Variants in SPOCK1 observed in about 807,000 individuals in gnomAD.
SPOCK1 encodes SPARC (osteonectin), cwcv and kazal like domains proteoglycan 1.
Under a neutral mutation model 55.3 loss-of-function variants are expected in SPOCK1, and 23 were observed. The ratio of observed to expected loss-of-function variants is 0.42; its 90% CI spans 0.30 to 0.59. The LOEUF (loss-of-function observed/expected upper bound fraction) is 0.59. Ranked by LOEUF, SPOCK1 falls within the 20% of genes least tolerant of loss-of-function variation. The pLI is 0.22. For synonymous variants in SPOCK1, 226 were observed against 221.0 expected (o/e 1.02, Z -0.20); for missense variants, 499 against 552.5 (o/e 0.90, Z 0.97).
At chr5:137,093,817 AT>A (rs1196089646) in intron 5 of SPOCK1, among the ~76,000 whole-genome samples, 1 of 152,208 alleles carries the variant, frequency 6.6e-6, no homozygotes, top group Non-Finnish European at 1.5e-5. Context: ...CAGAGTCATG[AT>A]GAGAAAAACA....
chr5:137,175,576 T>C (rs1323181302), intron 3 of SPOCK1, among the ~76,000 whole-genome samples: 2 of 152,236 alleles, frequency 1.3e-5, no homozygotes, highest in Non-Finnish European at 2.9e-5. Flanking sequence ...GCTCAGGCTT[T>C]GGGTTCTAAT....
chr5:136,988,579 G>A lies in SPOCK1; in HGVS notation c.771C>T (p.Asp257=). Residue 257 remains aspartate (D), a synonymous_variant, in exon 8 of 11, where the codon GAC becomes GAT. Transcript: ENST00000394945. ...GGTCAAGCAGGAGGTCATAGTTCAT[G>A]TCCAACTTGTTGAACATCCAGCCCA... ...DSLGWMFNKL[D]MNYDLLLDPS... is the part of the protein sequence containing the mutation. 2 of 1,614,110 alleles carry A rather than the reference G, an allele frequency of 1.2e-6. No individual in the cohort carries two copies. The highest frequency in any genetic ancestry group is 1.7e-6 in the Non-Finnish European group (2 of 1,179,972).
At chr5:137,180,604 T>G (rs1212905344) in intron 3 of SPOCK1, among the ~76,000 whole-genome samples, 1 of 152,190 alleles carries the variant, frequency 6.6e-6, no homozygotes, top group Non-Finnish European at 1.5e-5. Flanking sequence ...GGGGGTCGTT[T>G]GATTCCTTGG....
rs368458010 is a variant in SPOCK1 at position 137,384,563 on chromosome 5, CAT to C, written c.186+113808_186+113809del. Among the ~76,000 whole-genome samples the C allele has an allele frequency of 2.7e-3, 365 of 133,312 alleles. 2 individuals carry two copies. Among genetic ancestry groups the C allele is most frequent in the African/African-American group, 4.9e-3 (141 of 28,726 alleles). 87.5% of individuals were successfully genotyped at this position (133,312 alleles called of 152,430 possible). Reference sequence around the variant, plus strand: ...ATATATACACACATATACATACATACATATATATATATATATGTATGTATTTT... The same window carrying C: ...ATATATACACACATATACATACATACATATATATATATATGTATGTATTTT... On this transcript the variant is annotated intron_variant, in intron 2 of 10. Coordinates refer to ENST00000394945, the MANE Select transcript of SPOCK1 (RefSeq NM_004598.4).
At chr5:137,432,716 C>T (rs891433658) in intron 2 of SPOCK1, among the ~76,000 whole-genome samples, 5 of 152,142 alleles carry the variant, frequency 3.3e-5, no homozygotes, top group African/African-American at 1.2e-4. Flanking sequence ...CACAGAAGTT[C>T]ACAGATTAAA....
At chr5:137,097,839 C>T (rs956960452) in intron 5 of SPOCK1, among the ~76,000 whole-genome samples, 3 of 152,200 alleles carry the variant, frequency 2.0e-5, no homozygotes, top group African/African-American at 4.8e-5. Context: ...AGCCAGGCCC[C>T]AGCCAGTGCC....
chr5:137,307,013 G>A lies in SPOCK1; in HGVS notation c.187-39958C>T, dbSNP rs192377172. Among the ~76,000 whole-genome samples the A allele has an allele frequency of 2.6e-5, 4 of 152,306 alleles. No homozygotes were observed. The East Asian group carries it at 5.8e-4, about 22-fold the overall frequency. On this transcript the variant is annotated intron_variant, in intron 2 of 10. Transcript: ENST00000394945. Reference sequence around the variant, plus strand: ...AACCCTCCGGTAGGCCCATCCTGATGTCAGACTCCACCCTTACCCAACTCT... The same window carrying A: ...AACCCTCCGGTAGGCCCATCCTGATATCAGACTCCACCCTTACCCAACTCT...
chr5:137,149,129 C>T (rs1478190557), intron 3 of SPOCK1, among the ~76,000 whole-genome samples: 9 of 152,290 alleles, frequency 5.9e-5, no homozygotes, highest in Admixed American at 4.6e-4. Flanking sequence ...ACTTAACTCC[C>T]TCTGACTTAA....
intron 9 of SPOCK1, 69 bp from the exon 10 acceptor site, chr5:136,979,538 CACAGGGAA>C (rs1232440017): frequency 6.4e-6 from 10 of 1,564,462 alleles, no homozygotes; most frequent in Non-Finnish European, 8.7e-6. Context: ...TGCCCGTCAA[CACAGGGAA>C]GAGGGCTCAC....
At chr5:137,145,858 G>A (rs150317517) in intron 3 of SPOCK1, among the ~76,000 whole-genome samples, 1 of 152,268 alleles carries the variant, frequency 6.6e-6, no homozygotes, top group Non-Finnish European at 1.5e-5. Flanking sequence ...TCTTTCCAGG[G>A]GTAAGAAAGT....
intron 2 of SPOCK1, among the ~76,000 whole-genome samples, chr5:137,461,592 T>C (rs1321852812): frequency 6.6e-6 from 1 of 151,618 alleles, no homozygotes; most frequent in African/African-American, 2.4e-5. Flanking sequence ...GAAATAAGAG[T>C]CTCCTGGAAA....
intron 3 of SPOCK1, among the ~76,000 whole-genome samples, chr5:137,183,138 C>A (rs1455733573): frequency 6.6e-6 from 1 of 152,110 alleles, no homozygotes; most frequent in Admixed American, 6.5e-5. Context: ...TTCCAAGCAT[C>A]CATCAATCTC....
intron 5 of SPOCK1, among the ~76,000 whole-genome samples, chr5:137,084,005 G>A (rs1041455883): frequency 6.6e-6 from 1 of 151,984 alleles, no homozygotes; most frequent in Non-Finnish European, 1.5e-5. Flanking sequence ...TTGAGACTTA[G>A]TTTTTACATC....
chr5:137,301,151 G>A (rs1757581121), intron 2 of SPOCK1, among the ~76,000 whole-genome samples: 1 of 152,122 alleles, frequency 6.6e-6, no homozygotes, highest in African/African-American at 2.4e-5. Flanking sequence ...CAGCCTTGGA[G>A]CTCCCAGTAG....
chr5:137,300,756 G>T (rs574147661), intron 2 of SPOCK1, among the ~76,000 whole-genome samples: 2 of 152,242 alleles, frequency 1.3e-5, no homozygotes, highest in East Asian at 3.9e-4. Context: ...CTTTCCAGTT[G>T]TTCTAGCAGT....
intron 6 of SPOCK1, among the ~76,000 whole-genome samples, chr5:137,004,840 C>G (rs1016331713): frequency 6.6e-6 from 1 of 152,154 alleles, no homozygotes; most frequent in African/African-American, 2.4e-5. Flanking sequence ...AATAGACTTC[C>G]TACAGGCAAA....
intron 3 of SPOCK1, among the ~76,000 whole-genome samples, chr5:137,255,957 T>C (rs1206027995): frequency 2.0e-5 from 3 of 152,230 alleles, no homozygotes; most frequent in Non-Finnish European, 4.4e-5. Flanking sequence ...CAGGGCCATC[T>C]ACTGTACACA....
In SPOCK1 at chr5:137,199,378, G is replaced by T. The variant is rs182157993; in HGVS notation, c.233-58684C>A. 1.1e-4 allele frequency among the ~76,000 whole-genome samples: 16 copies of T among 152,206 alleles called. No individual in the cohort carries two copies. In the East Asian group the frequency reaches 1.9e-3, roughly 18 times the overall value. ...CTCAGCTGTGGTTTTTGTTCTCTGC[G>T]TAGTTTCTCTTAAGTTCGGGCTGGT... On this transcript the variant is annotated intron_variant, in intron 3 of 10. Transcript: ENST00000394945.
intron 6 of SPOCK1, among the ~76,000 whole-genome samples, chr5:137,009,898 G>A (rs980218822): frequency 6.6e-6 from 1 of 151,822 alleles, no homozygotes; most frequent in Non-Finnish European, 1.5e-5. Flanking sequence ...TTTGTAAAAG[G>A]AGAATGCTTT....
Sources: allele counts gnomAD v4.1 joint callset (sites outside exome capture counted in the v4.1 genomes callset), GRCh38; gene constraint gnomAD v4.1.1; transcripts MANE v1.5; gene names NCBI Gene and HGNC (gene_info 2026-07-23, HGNC 2026-07-21).